Variants in TMEM132C observed in about 807,000 individuals in gnomAD.
The protein encoded by TMEM132C is transmembrane protein 132C, also known as protein phosphatase 1, regulatory subunit 152.
A neutral mutation model predicts 61.4 loss-of-function variants in TMEM132C; 29 were observed. The observed-to-expected ratio is 0.47, with a 90% confidence interval of 0.35 to 0.64. The LOEUF (loss-of-function observed/expected upper bound fraction) is 0.64. Ranked by LOEUF, TMEM132C falls within the 30% of genes least tolerant of loss-of-function variation. The pLI, the probability that TMEM132C is intolerant of heterozygous loss-of-function variation, is 0.00. For missense variants in TMEM132C, 1,408 were observed against 1,476.9 expected, an observed-to-expected ratio of 0.95 and a Z score of 0.76; for synonymous variants, 656 against 633.1, an observed-to-expected ratio of 1.04 and a Z score of -0.54.
chr12:128,625,529 A>G (rs1330710910), intron 4 of TMEM132C, among the ~76,000 whole-genome samples: 1 of 152,226 alleles, frequency 6.6e-6, no homozygotes, highest in Non-Finnish European at 1.5e-5. Flanking sequence ...GGTGGAAGGC[A>G]AGGAGGAGCA....
At chr12:128,496,330 G>A (rs1871957042) in intron 2 of TMEM132C, among the ~76,000 whole-genome samples, 1 of 152,112 alleles carries the variant, frequency 6.6e-6, no homozygotes, top group South Asian at 2.1e-4. Context: ...CTCTTCTCCA[G>A]GAGTATCTTT....
intron 4 of TMEM132C, among the ~76,000 whole-genome samples, chr12:128,654,230 G>T (rs1018805555): frequency 1.3e-5 from 2 of 152,128 alleles, no homozygotes; most frequent in African/African-American, 4.8e-5. Flanking sequence ...TGTCCCTATA[G>T]GTGGGAGATT....
chr12:128,529,610 C>A (rs1873213293), intron 2 of TMEM132C, among the ~76,000 whole-genome samples: 1 of 151,990 alleles, frequency 6.6e-6, no homozygotes, highest in South Asian at 2.1e-4. Context: ...ATGGTGAAAC[C>A]CCATCTCTAC....
intron 2 of TMEM132C, among the ~76,000 whole-genome samples, chr12:128,450,882 C>T (rs1476371734): frequency 6.6e-6 from 1 of 152,152 alleles, no homozygotes; most frequent in Non-Finnish European, 1.5e-5. Flanking sequence ...GGCGCATATG[C>T]CTCAAAACAT....
chr12:128,599,619 G>C (rs1310873717), intron 3 of TMEM132C, among the ~76,000 whole-genome samples: 1 of 152,216 alleles, frequency 6.6e-6, no homozygotes, highest in Non-Finnish European at 1.5e-5. Flanking sequence ...TGATACCCAT[G>C]CTCGCCATAG....
At chr12:128,555,437 T>G (rs1874300738) in intron 3 of TMEM132C, among the ~76,000 whole-genome samples, 1 of 152,196 alleles carries the variant, frequency 6.6e-6, no homozygotes, top group Admixed American at 6.5e-5. Flanking sequence ...AATTAAAATC[T>G]CCCAACCAAT....
chr12:128,502,398 C>T (rs1157260911), intron 2 of TMEM132C, among the ~76,000 whole-genome samples: 1 of 152,222 alleles, frequency 6.6e-6, no homozygotes, highest in Non-Finnish European at 1.5e-5. Context: ...TGGGCTTCTA[C>T]AGGGGCCATT....
chr12:128,672,989 T>A (rs1469379476), intron 5 of TMEM132C, among the ~76,000 whole-genome samples: 3 of 152,222 alleles, frequency 2.0e-5, no homozygotes, highest in Admixed American at 1.3e-4. Flanking sequence ...TCAGCATCTT[T>A]CTGCACCAGT....
intron 1 of TMEM132C, among the ~76,000 whole-genome samples, chr12:128,378,599 C>T (rs909925277): frequency 9.2e-5 from 14 of 152,258 alleles, no homozygotes; most frequent in Middle Eastern, 3.4e-3. Flanking sequence ...TGTCTTTCTC[C>T]GCACGTGAGC....
At chr12:128,519,185 A>G (rs1003752355) in intron 2 of TMEM132C, among the ~76,000 whole-genome samples, 5 of 152,238 alleles carry the variant, frequency 3.3e-5, no homozygotes, top group African/African-American at 1.2e-4. Flanking sequence ...ACATTAGTAC[A>G]GATACCTCTT....
intron 1 of TMEM132C, among the ~76,000 whole-genome samples, chr12:128,298,177 G>A (rs1357372224): frequency 1.3e-5 from 2 of 152,198 alleles, no homozygotes; most frequent in African/African-American, 2.4e-5. Flanking sequence ...ATCTAATCAT[G>A]TTATTCCCTT....
At chr12:128,543,642 G>A (rs887147633) in intron 2 of TMEM132C, among the ~76,000 whole-genome samples, 6 of 152,180 alleles carry the variant, frequency 3.9e-5, no homozygotes, top group South Asian at 2.1e-4. Flanking sequence ...CCCTGAGTGA[G>A]GAGACGGACC....
At chr12:128,393,872 A>G (rs998107247) in intron 1 of TMEM132C, among the ~76,000 whole-genome samples, 3 of 152,296 alleles carry the variant, frequency 2.0e-5, no homozygotes, top group African/African-American at 7.2e-5. Context: ...CTATCCTTGA[A>G]GCTCCACCCA....
chr12:128,285,621 G>T (rs982853393), intron 1 of TMEM132C, among the ~76,000 whole-genome samples: 7 of 151,142 alleles, frequency 4.6e-5, no homozygotes, highest in African/African-American at 1.7e-4. Context: ...TGAATAGGGC[G>T]TCAAGGACAT....
chr12:128,429,952 A>G (rs1426928525), intron 2 of TMEM132C, among the ~76,000 whole-genome samples: 1 of 151,742 alleles, frequency 6.6e-6, no homozygotes, highest in Non-Finnish European at 1.5e-5. Context: ...CCTGAGATGC[A>G]CATTGGGGAG....
intron 3 of TMEM132C, among the ~76,000 whole-genome samples, chr12:128,595,649 A>G (rs1303155805): frequency 1.3e-5 from 2 of 152,192 alleles, no homozygotes; most frequent in Non-Finnish European, 2.9e-5. Context: ...GTGAGACCAG[A>G]GGCCAGGCAG....
intron 2 of TMEM132C, among the ~76,000 whole-genome samples, chr12:128,500,241 C>T (rs149434885): frequency 3.9e-5 from 6 of 152,098 alleles, no homozygotes; most frequent in South Asian, 2.1e-4. Flanking sequence ...AACTTGAACT[C>T]CTAGAAGAAA....
At chr12:128,323,857 G>A (rs569398145) in intron 1 of TMEM132C, among the ~76,000 whole-genome samples, 24 of 152,220 alleles carry the variant, frequency 1.6e-4, no homozygotes, top group Non-Finnish European at 2.5e-4. Context: ...CTGGGGAGGC[G>A]GCATCGATTA....
chr12:128,424,188 T>A lies in TMEM132C; in HGVS notation c.974+8568T>A, dbSNP rs1869101040. Among the ~76,000 whole-genome samples, 3 of 152,058 alleles carry A rather than the reference T, an allele frequency of 2.0e-5. No homozygotes were observed. In the South Asian group the frequency reaches 6.2e-4, roughly 32 times the overall value. On this transcript the variant is annotated intron_variant, in intron 2 of 8. Coordinates refer to ENST00000435159, the MANE Select transcript of TMEM132C (RefSeq NM_001136103.3). Reference sequence around the variant, plus strand: ...GGTGGGATTCATGGAACATACCTGTTCTAATAGACAAACGCCAATCATGGC... The same window carrying A: ...GGTGGGATTCATGGAACATACCTGTACTAATAGACAAACGCCAATCATGGC...
Sources: allele counts gnomAD v4.1 joint callset (sites outside exome capture counted in the v4.1 genomes callset), GRCh38; gene constraint gnomAD v4.1.1; transcripts MANE v1.5; gene names NCBI Gene and HGNC (gene_info 2026-07-23, HGNC 2026-07-21).